TRAK2: variants seen among roughly 807,000 people sequenced by gnomAD.
TRAK2 encodes trafficking kinesin protein 2, also known as trafficking kinesin-binding protein 2.
In TRAK2, 81 loss-of-function variants were observed where a neutral mutation model predicts 104.6. The observed-to-expected ratio is 0.77, with a 90% CI of 0.65 to 0.93. The LOEUF (loss-of-function observed/expected upper bound fraction) is 0.93. Ranked by LOEUF, TRAK2 falls within the 40% of genes least tolerant of loss-of-function variation. TRAK2 has a pLI of 0.00. For synonymous variants in TRAK2, 406 were observed against 394.4 expected (o/e 1.03, Z -0.35); for missense variants, 1,002 against 1,089.0 (o/e 0.92, Z 1.12).
At chr2:201,389,116 C>A (rs1347337084) in intron 12 of TRAK2, among the ~76,000 whole-genome samples, 184 bp downstream of exon 12, 2 of 152,070 alleles carry the variant, frequency 1.3e-5, no homozygotes, top group East Asian at 1.9e-4. Flanking sequence ...CAAACAGATT[C>A]AAAAAAATTT....
Position 201,400,976 on chromosome 2 carries a change from A to G in TRAK2, c.363+42T>C, listed in dbSNP as rs574923747. ...TTTGATAGATTCCAAATGATCCTCAAGTTTTACCTTTTTGTACTGGAGAAA... is the reference window on the plus strand; with the variant it reads ...TTTGATAGATTCCAAATGATCCTCAGGTTTTACCTTTTTGTACTGGAGAAA... On this transcript the variant is annotated intron_variant, in intron 4 of 15. Transcript: ENST00000332624. 4.7e-5 allele frequency: 71 copies of G among 1,504,774 alleles called. 1 individual carries two copies. The East Asian group carries it at 1.5e-3, about 33-fold the overall frequency. 93.2% of individuals were successfully genotyped at this position (1,504,774 alleles called of 1,614,324 possible). A position where few individuals can be genotyped will look rare whatever the true frequency, so the allele number is the denominator to read the frequency against.
chr2:201,412,348 G>A (rs941850056), intron 2 of TRAK2: 1 of 1,341,112 alleles, frequency 7.5e-7, no homozygotes, highest in African/African-American at 1.4e-5. Flanking sequence ...GGGAATCTTT[G>A]TCATTTGATC....
rs772608377 is a variant in TRAK2 at position 201,381,103 on chromosome 2, G to A, written c.2185C>T (p.Arg729Ter). ...CTACTGAAGGTTGTAGTGGAATCTC[G>A]TCGGTTGGTGATGGACTCACCAATG... The part of the protein sequence containing the change: ...LSIGESITNR[R>*]DSTTTFSSTM... Residue 729 changes from arginine to a stop codon, truncating the protein, a stop_gained, in exon 16 of 16, where the codon CGA becomes TGA. Coordinates refer to ENST00000332624, the MANE Select transcript of TRAK2 (RefSeq NM_015049.3). LOFTEE classifies it high-confidence loss of function. The A allele has an allele frequency of 1.2e-5, 20 of 1,614,020 alleles. No individual in the cohort carries two copies. Among genetic ancestry groups the A allele is most frequent in the African/African-American group, 2.7e-5 (2 of 74,976 alleles).
chr2:201,426,832 T>C (rs1412534828), intron 1 of TRAK2, among the ~76,000 whole-genome samples: 2 of 152,174 alleles, frequency 1.3e-5, no homozygotes, highest in Non-Finnish European at 2.9e-5. Context: ...AATAAGCCCT[T>C]TGGACATGCC....
chr2:201,397,601 T>C (rs1207789452), intron 6 of TRAK2, 21 bp from the exon 7 acceptor site: 2 of 1,505,574 alleles, frequency 1.3e-6, no homozygotes, highest in Non-Finnish European at 1.8e-6. Context: ...AAAATCAGTA[T>C]GTGACAATAC....
intron 1 of TRAK2, among the ~76,000 whole-genome samples, chr2:201,446,487 T>C (rs1233992906): frequency 6.6e-6 from 1 of 152,210 alleles, no homozygotes; most frequent in Non-Finnish European, 1.5e-5. Context: ...CTGTTCCTTA[T>C]CTCCTCTGAT....
chr2:201,397,077 T>G (rs910230062), intron 7 of TRAK2, among the ~76,000 whole-genome samples: 2 of 152,178 alleles, frequency 1.3e-5, no homozygotes, highest in Admixed American at 1.3e-4. Context: ...CTAAAACACA[T>G]TCCTTTAAAG....
intron 2 of TRAK2, chr2:201,410,549 C>CA: frequency 8.6e-7 from 1 of 1,160,318 alleles, no homozygotes; most frequent in Non-Finnish European, 1.3e-6. Flanking sequence ...ACACCTCACC[C>CA]AAAAAGATCT....
intron 1 of TRAK2, among the ~76,000 whole-genome samples, chr2:201,422,083 A>G (rs1180210302): frequency 6.6e-6 from 1 of 151,628 alleles, no homozygotes; most frequent in African/African-American, 2.4e-5. Flanking sequence ...GCAAATTGGA[A>G]CAAGCTTTCA....
chr2:201,447,982 G>A lies in TRAK2; in HGVS notation c.-200+3368C>T, dbSNP rs1327264295. Among the ~76,000 whole-genome samples the A allele has an allele frequency of 1.3e-5, 2 of 152,210 alleles. No homozygotes were observed. Among genetic ancestry groups the A allele is most frequent in the Non-Finnish European group, 2.9e-5 (2 of 68,038 alleles). On this transcript the variant is annotated intron_variant, in intron 1 of 15. Transcript: ENST00000332624. The surrounding 1 kb of genome is among the most constrained non-coding windows in gnomAD (Gnocchi z 4.1). ...TCAAACTACATTCCTTAAGAGCAAA[G>A]ACTAAATTCCTAGCATTGGCACAGT...
intron 1 of TRAK2, among the ~76,000 whole-genome samples, chr2:201,439,359 A>G (rs6722889): frequency 0.71 from 108,311 of 152,034 alleles, 38,907 homozygotes; most frequent in South Asian, 0.88. Flanking sequence ...TGACAACATG[A>G]TGGCAAAAAT....
At chr2:201,432,423 T>C (rs1576534949) in intron 1 of TRAK2, among the ~76,000 whole-genome samples, 1 of 152,242 alleles carries the variant, frequency 6.6e-6, no homozygotes, top group Non-Finnish European at 1.5e-5. Flanking sequence ...ACAACTTCAC[T>C]GCTTTTCTTT....
chr2:201,413,023 T>C, intron 2 of TRAK2: 1 of 780,338 alleles, frequency 1.3e-6, no homozygotes, highest in Non-Finnish European at 2.3e-6. Context: ...GTCGAGGGTG[T>C]TGAAGTCGAG....
intron 14 of TRAK2, among the ~76,000 whole-genome samples, chr2:201,385,355 TTA>T (rs1258875175): frequency 1.3e-5 from 2 of 152,012 alleles, no homozygotes; most frequent in Non-Finnish European, 2.9e-5. Flanking sequence ...TTTTTTTTTT[TTA>T]GTAGAGACAG....
chr2:201,397,554 A>G lies in TRAK2; in HGVS notation c.717T>C (p.Val239=). 6.2e-7 allele frequency: 1 copy of G among 1,612,962 alleles called. No individual in the cohort carries two copies. The highest frequency in any genetic ancestry group is 8.5e-7 in the Non-Finnish European group (1 of 1,179,204). The change falls in exon 7 of 16, where the codon GTT becomes GTC. Residue 239 remains valine, a synonymous_variant. Transcript: ENST00000332624. ...SKACHIKTET[V]TYEEKEQQLV... Reference sequence around the variant, plus strand: ...GCTGTTGTTCCTTTTCTTCATAGGTAACAGTTTCTGTCTTTATGTGACAAG... The same window carrying G: ...GCTGTTGTTCCTTTTCTTCATAGGTGACAGTTTCTGTCTTTATGTGACAAG...
At chr2:201,440,805 T>G (rs758736827) in intron 1 of TRAK2, among the ~76,000 whole-genome samples, 20 of 152,206 alleles carry the variant, frequency 1.3e-4, no homozygotes, top group Non-Finnish European at 2.1e-4. Context: ...AAAGTCTGAT[T>G]TTTCACACAA....
At chr2:201,403,758 A>C (rs540111293) in intron 3 of TRAK2, among the ~76,000 whole-genome samples, 93 of 151,792 alleles carry the variant, frequency 6.1e-4, no homozygotes, top group Admixed American at 9.8e-4. Context: ...AAAAAAAAAA[A>C]AACCCACAAA....
chr2:201,411,485 C>A, intron 2 of TRAK2: 1 of 744,182 alleles, frequency 1.3e-6, no homozygotes, highest in South Asian at 1.3e-5. Flanking sequence ...GTTGTTCTTG[C>A]ATTATATGAA....
chr2:201,403,222 T>C (rs1951564557), intron 3 of TRAK2, among the ~76,000 whole-genome samples: 1 of 152,186 alleles, frequency 6.6e-6, no homozygotes, highest in Non-Finnish European at 1.5e-5. Flanking sequence ...ATGCTTACCA[T>C]CTGTCACAGC....
Sources: gnomAD v4.1 joint callset for allele counts (sites outside exome capture counted in the v4.1 genomes callset) on GRCh38, gnomAD v4.1.1 for gene constraint, Gnocchi (gnomAD v3.1) non-coding constraint, MANE v1.5 for transcripts, NCBI Gene and HGNC (gene_info 2026-07-23, HGNC 2026-07-21) for gene names.